The following HIVEP2 variants were observed in gnomAD, a reference collection of about 807,000 sequenced individuals.
HIVEP2 encodes the protein HIVEP zinc finger 2.
Under a neutral mutation model 180.7 loss-of-function variants are expected in HIVEP2, and 14 were observed. The observed-to-expected ratio is 0.08, with a 90% CI of 0.05 to 0.12. The LOEUF (loss-of-function observed/expected upper bound fraction) is 0.12, where lower values mean the gene tolerates loss of function less well. Ranked by LOEUF, HIVEP2 falls within the 10% of genes least tolerant of loss-of-function variation. The pLI is 1.00. For missense variants in HIVEP2, 2,579 were observed against 3,008.5 expected (o/e 0.86, Z 3.34); for synonymous variants, 1,184 against 1,136.4 (o/e 1.04, Z -0.84).
In HIVEP2 at chr6:142,773,504, C is replaced by T; in HGVS notation, c.1235G>A (p.Ser412Asn). The part of the protein sequence containing the change: ...SRSESAEQQI[S>N]PPNTNAKSYE... ...AGACTTTGCATTTGTGTTGGGAGGG[C>T]TTATTTGCTGCTCAGCACTTTCTGA... Residue 412 changes from serine to asparagine, a missense_variant, in exon 5 of 10, where the codon AGC (serine) becomes AAC (asparagine). Transcript: ENST00000367603. The T allele has an allele frequency of 6.2e-7, 1 of 1,614,136 alleles. No individual in the cohort carries two copies. Among genetic ancestry groups the T allele is most frequent in the Non-Finnish European group, 8.5e-7 (1 of 1,180,008 alleles).
At chr6:142,800,703 G>C (rs1776383165) in intron 2 of HIVEP2, among the ~76,000 whole-genome samples, 1 of 152,068 alleles carries the variant, frequency 6.6e-6, no homozygotes, top group Non-Finnish European at 1.5e-5. Flanking sequence ...AGAGGCTTAG[G>C]AGGAGGAATC....
intron 2 of HIVEP2, among the ~76,000 whole-genome samples, chr6:142,790,518 A>G (rs576955670): frequency 2.6e-5 from 4 of 152,350 alleles, no homozygotes; most frequent in African/African-American, 9.6e-5. Flanking sequence ...TGAGAAGTAT[A>G]TATGACACAA....
intron 1 of HIVEP2, among the ~76,000 whole-genome samples, chr6:142,934,020 ATAT>A (rs1191472555): frequency 1.3e-5 from 2 of 152,348 alleles, no homozygotes; most frequent in East Asian, 1.9e-4. Context: ...CCATCAGGAG[ATAT>A]TATAACAAGC....
chr6:142,886,916 G>A (rs1475807363), intron 1 of HIVEP2, among the ~76,000 whole-genome samples: 1 of 152,138 alleles, frequency 6.6e-6, no homozygotes, highest in Non-Finnish European at 1.5e-5. Flanking sequence ...TGATAACACT[G>A]CTACAAATAC....
intron 1 of HIVEP2, among the ~76,000 whole-genome samples, chr6:142,857,888 G>A (rs1318048929): frequency 6.6e-6 from 1 of 152,196 alleles, no homozygotes; most frequent in Non-Finnish European, 1.5e-5. Context: ...CTGTCTAGGA[G>A]GGGCTGGGGT....
At chr6:142,896,360 G>C (rs1461198818) in intron 1 of HIVEP2, among the ~76,000 whole-genome samples, 1 of 152,122 alleles carries the variant, frequency 6.6e-6, no homozygotes, top group Non-Finnish European at 1.5e-5. Context: ...TGTCTTGCCA[G>C]CATCCCAACT....
At chr6:142,781,739 C>T (rs1410476371) in intron 3 of HIVEP2, among the ~76,000 whole-genome samples, 1 of 152,114 alleles carries the variant, frequency 6.6e-6, no homozygotes, top group Admixed American at 6.5e-5. Flanking sequence ...GAGTCCCACT[C>T]AAATAAGTTT....
chr6:142,874,331 A>G (rs1241231486), intron 1 of HIVEP2, among the ~76,000 whole-genome samples: 3 of 152,182 alleles, frequency 2.0e-5, no homozygotes. Context: ...TTCCATTTTT[A>G]GATTTTTTTT....
At position 142,752,869 on chromosome 6, in the gene HIVEP2, A is replaced by C. The variant is rs189185342; in HGVS notation, c.*238T>G. 101 of 437,902 alleles carry C rather than the reference A, an allele frequency of 2.3e-4. No homozygotes were observed. The highest frequency in any genetic ancestry group is 4.0e-5 in the Non-Finnish European group (10 of 246,992). The allele number at this position is 437,902 out of a possible 1,614,324, so 27.1% of individuals were successfully genotyped here. The stretch of plus-strand genomic sequence containing the variant: ...ATAAGCAAAGTAAAGAAAAGGCACA[A>C]ACATCTGTACAATTTTAAAAGTACC... On this transcript the variant is annotated 3_prime_UTR_variant, in exon 10 of 10. Transcript: ENST00000367603.
chr6:142,917,638 T>C (rs775372136), intron 1 of HIVEP2, among the ~76,000 whole-genome samples: 3 of 152,200 alleles, frequency 2.0e-5, no homozygotes, highest in Admixed American at 6.5e-5. Flanking sequence ...CCAACCTTGA[T>C]ACAGAGGAGT....
intron 2 of HIVEP2, among the ~76,000 whole-genome samples, chr6:142,819,040 G>A (rs1207850521): frequency 7.3e-6 from 1 of 136,798 alleles, no homozygotes; most frequent in East Asian, 2.2e-4. Flanking sequence ...GAAGAAGGGA[G>A]AGAGGGAGGG....
chr6:142,876,007 A>C (rs949539104), intron 1 of HIVEP2, among the ~76,000 whole-genome samples: 1 of 152,178 alleles, frequency 6.6e-6, no homozygotes, highest in African/African-American at 2.4e-5. Context: ...TTTAGATAGA[A>C]CCCTAAGGGA....
intron 1 of HIVEP2, among the ~76,000 whole-genome samples, chr6:142,925,645 C>T (rs188466478): frequency 1.2e-3 from 177 of 152,254 alleles, no homozygotes; most frequent in African/African-American, 4.2e-3. Flanking sequence ...AAAATGACAT[C>T]GTACTATATG....
At chr6:142,790,887 G>A (rs1308595180) in intron 2 of HIVEP2, among the ~76,000 whole-genome samples, 1 of 152,104 alleles carries the variant, frequency 6.6e-6, no homozygotes, top group Non-Finnish European at 1.5e-5. Flanking sequence ...CACATTTCAT[G>A]CTACAAACAA....
chr6:142,878,574 C>T (rs770735724), intron 1 of HIVEP2, among the ~76,000 whole-genome samples: 1 of 152,136 alleles, frequency 6.6e-6, no homozygotes, highest in Non-Finnish European at 1.5e-5. Flanking sequence ...CAGTGGCAAC[C>T]GTCTCCAAGT....
intron 1 of HIVEP2, among the ~76,000 whole-genome samples, chr6:142,928,783 T>C (rs181057126): frequency 3.3e-5 from 5 of 152,326 alleles, no homozygotes; most frequent in Admixed American, 2.6e-4. Flanking sequence ...TCTTTCAATC[T>C]TGCTGAAAAG....
rs1172476499 is a variant in HIVEP2, at chr6:142,773,067, G to A, written c.1672C>T (p.Pro558Ser). Residue 558 changes from proline (P) to serine (S), a missense_variant, in exon 5 of 10, where the codon CCT becomes TCT. Pro to Ser is a moderately conservative substitution (Grantham distance 74, BLOSUM62 -1). Coordinates refer to ENST00000367603, the MANE Select transcript of HIVEP2 (RefSeq NM_006734.4). ...TSSATNLTIP[P>S]SLRGSHSFDE... ...AATGAGTGACTTCCTCTCAAAGAAGGAGGAATAGTTAGATTAGTTGCTGAA... is the reference window on the plus strand; with the variant it reads ...AATGAGTGACTTCCTCTCAAAGAAGAAGGAATAGTTAGATTAGTTGCTGAA... 3 of 1,614,128 alleles carry A rather than the reference G, an allele frequency of 1.9e-6. No individual in the cohort carries two copies. Among genetic ancestry groups the A allele is most frequent in the Non-Finnish European group, 2.5e-6 (3 of 1,180,056 alleles).
intron 1 of HIVEP2, among the ~76,000 whole-genome samples, chr6:142,882,398 G>A (rs554120706): frequency 6.6e-6 from 1 of 152,008 alleles, no homozygotes; most frequent in South Asian, 2.1e-4. Context: ...ATCACTTGAG[G>A]CCAGGAGTTT....
At chr6:142,924,079 G>A (rs193210660) in intron 1 of HIVEP2, among the ~76,000 whole-genome samples, 1 of 152,336 alleles carries the variant, frequency 6.6e-6, no homozygotes, top group Middle Eastern at 3.4e-3. Flanking sequence ...GATGCAAAAG[G>A]AGGACTGCAG....
Sources: allele counts gnomAD v4.1 joint callset (sites outside exome capture counted in the v4.1 genomes callset), GRCh38; gene constraint gnomAD v4.1.1; transcripts MANE v1.5; gene names NCBI Gene and HGNC (gene_info 2026-07-23, HGNC 2026-07-21).